The following DIAPH3 variants were observed in gnomAD, a reference collection of about 807,000 sequenced individuals.
DIAPH3 encodes the protein protein diaphanous homolog 3.
In DIAPH3, 117 loss-of-function variants were observed where a neutral mutation model predicts 144.3. The observed-to-expected ratio is 0.81, with a 90% CI of 0.70 to 0.95. The LOEUF (loss-of-function observed/expected upper bound fraction) is 0.95, where lower values mean the gene tolerates loss of function less well. Ranked by LOEUF, DIAPH3 falls within the 40% of genes least tolerant of loss-of-function variation. DIAPH3 has a pLI of 0.00. For missense variants in DIAPH3, 1,421 were observed against 1,412.7 expected (o/e 1.01, Z -0.09); for synonymous variants, 519 against 488.9 (o/e 1.06, Z -0.81).
At chr13:59,872,134 CTT>C (rs1259778943) in intron 21 of DIAPH3, among the ~76,000 whole-genome samples, 1 of 152,082 alleles carries the variant, frequency 6.6e-6, no homozygotes, top group African/African-American at 2.4e-5. Context: ...TCCATTTGCT[CTT>C]CTTTTTCTTG....
At chr13:59,902,939 A>G (rs1285611805) in intron 20 of DIAPH3, among the ~76,000 whole-genome samples, 1 of 152,208 alleles carries the variant, frequency 6.6e-6, no homozygotes, top group African/African-American at 2.4e-5. Flanking sequence ...TTTCCAGACA[A>G]GATTACCAAA....
At chr13:60,053,137 T>C (rs1390878016) in intron 4 of DIAPH3, among the ~76,000 whole-genome samples, 8 of 151,790 alleles carry the variant, frequency 5.3e-5, no homozygotes, top group East Asian at 3.9e-4. Context: ...AGGGGGAAAA[T>C]ATTATATTAC....
chr13:59,804,147 T>C (rs2040076837), intron 25 of DIAPH3, among the ~76,000 whole-genome samples: 1 of 152,178 alleles, frequency 6.6e-6, no homozygotes, highest in Non-Finnish European at 1.5e-5. Flanking sequence ...ATTCAGAACA[T>C]TGAAGAATCC....
chr13:60,096,554 G>A (rs12585297), intron 3 of DIAPH3, among the ~76,000 whole-genome samples: 5,670 of 152,248 alleles, frequency 0.037, 169 homozygotes, highest in East Asian at 0.1. Context: ...CTCTAGGTAC[G>A]TCTTTCAGAA....
At chr13:60,104,595 C>CACACACA (rs61265383) in intron 3 of DIAPH3, among the ~76,000 whole-genome samples, 1 of 150,604 alleles carries the variant, frequency 6.6e-6, no homozygotes, top group Non-Finnish European at 1.5e-5. Context: ...CACACACACA[C>CACACACA]GATGAGAAAA....
chr13:60,091,603 AAAC>A (rs1189991056), intron 4 of DIAPH3, among the ~76,000 whole-genome samples: 3 of 152,164 alleles, frequency 2.0e-5, no homozygotes, highest in Non-Finnish European at 4.4e-5. Context: ...GACACTTAAA[AAAC>A]AACAACTAAA....
At chr13:59,928,061 C>A (rs937521553) in intron 17 of DIAPH3, among the ~76,000 whole-genome samples, 12 of 152,176 alleles carry the variant, frequency 7.9e-5, no homozygotes, top group Admixed American at 5.9e-4. Context: ...GTCACGCAGA[C>A]TTTTTAAATC....
At chr13:59,885,434 C>T (rs1412870584) in intron 20 of DIAPH3, among the ~76,000 whole-genome samples, 1 of 120,806 alleles carries the variant, frequency 8.3e-6, no homozygotes, top group East Asian at 2.6e-4. Context: ...GTTTATATAG[C>T]TGGCTTCTTT....
At chr13:59,834,042 G>A (rs950453000) in intron 23 of DIAPH3, among the ~76,000 whole-genome samples, 27 of 151,666 alleles carry the variant, frequency 1.8e-4, no homozygotes, top group African/African-American at 6.5e-4. Flanking sequence ...TAAAAATTAT[G>A]ATTACACACA....
chr13:59,815,260 A>G (rs1172882142), intron 24 of DIAPH3, among the ~76,000 whole-genome samples: 1 of 152,186 alleles, frequency 6.6e-6, no homozygotes, highest in Admixed American at 6.6e-5. Context: ...CATGTCTCTA[A>G]GAATAATACT....
intron 18 of DIAPH3, among the ~76,000 whole-genome samples, chr13:59,923,920 C>G (rs2047637536): frequency 6.6e-6 from 1 of 152,146 alleles, no homozygotes; most frequent in Non-Finnish European, 1.5e-5. Flanking sequence ...ACATAACTCT[C>G]TCTTTAATCA....
At chr13:59,928,448 C>G (rs1487713368) in intron 17 of DIAPH3, among the ~76,000 whole-genome samples, 4 of 152,052 alleles carry the variant, frequency 2.6e-5, no homozygotes, top group Non-Finnish European at 5.9e-5. Context: ...TGTTTCCTTT[C>G]TTTTTCAGAT....
At chr13:60,071,787 A>G (rs2057217139) in intron 4 of DIAPH3, among the ~76,000 whole-genome samples, 1 of 152,162 alleles carries the variant, frequency 6.6e-6, no homozygotes, top group Non-Finnish European at 1.5e-5. Context: ...AATATGTGTG[A>G]TTCCTTATTT....
At chr13:59,979,942 G>A (rs1402049589) in intron 14 of DIAPH3, among the ~76,000 whole-genome samples, 2 of 151,616 alleles carry the variant, frequency 1.3e-5, no homozygotes, top group African/African-American at 4.8e-5. Context: ...CAAATTAAAA[G>A]TCTAATAGGT....
At chr13:59,777,133 GAAC>G (rs2038462135) in intron 25 of DIAPH3, among the ~76,000 whole-genome samples, 1 of 152,112 alleles carries the variant, frequency 6.6e-6, no homozygotes, top group Admixed American at 6.5e-5. Flanking sequence ...GCTGATTCTA[GAAC>G]TGAGGCCAAG....
At chr13:59,850,550 A>C (rs1202742024) in intron 22 of DIAPH3, among the ~76,000 whole-genome samples, 3 of 150,234 alleles carry the variant, frequency 2.0e-5, no homozygotes, top group African/African-American at 7.4e-5. Context: ...ATTTTGTCAA[A>C]GGCTTTTTCT....
At chr13:59,669,148 C>G (rs2032202020) in intron 27 of DIAPH3, among the ~76,000 whole-genome samples, 1 of 152,120 alleles carries the variant, frequency 6.6e-6, no homozygotes, top group African/African-American at 2.4e-5. Flanking sequence ...CTTCAAAATG[C>G]CTTCTAACAC....
At chr13:59,883,571 C>T (rs1211006239) in intron 20 of DIAPH3, among the ~76,000 whole-genome samples, 1 of 152,128 alleles carries the variant, frequency 6.6e-6, no homozygotes, top group Non-Finnish European at 1.5e-5. Flanking sequence ...ACTCTAAAAG[C>T]ATTAGTTCAT....
chr13:59,874,236 A>G (rs1347637461), intron 21 of DIAPH3, among the ~76,000 whole-genome samples: 1 of 152,152 alleles, frequency 6.6e-6, no homozygotes, highest in Non-Finnish European at 1.5e-5. Context: ...TGGTGTGGGG[A>G]CTGCGGCATC....
Sources: allele counts gnomAD v4.1 joint callset (sites outside exome capture counted in the v4.1 genomes callset), GRCh38; gene constraint gnomAD v4.1.1; transcripts MANE v1.5; gene names NCBI Gene and HGNC (gene_info 2026-07-23, HGNC 2026-07-21).